ESRRB: variants seen among roughly 807,000 people sequenced by gnomAD.
ESRRB encodes the protein estrogen related receptor beta, also known as steroid hormone receptor ERR2.
Under a neutral mutation model 46.0 loss-of-function variants are expected in ESRRB, and 16 were observed. That is an observed-to-expected ratio of 0.35 (90% CI 0.24 to 0.53). The LOEUF is 0.53. Among genes scored for constraint, ESRRB ranks in the 20% least tolerant of loss-of-function variants. The pLI is 0.93. For synonymous variants in ESRRB, 246 were observed against 259.6 expected, an observed-to-expected ratio of 0.95 and a Z score of 0.50; for missense variants, 488 against 607.4, an observed-to-expected ratio of 0.80 and a Z score of 2.07.
At chr14:76,497,461 G>T (rs570449918) in intron 6 of ESRRB, among the ~76,000 whole-genome samples, 537 of 152,264 alleles carry the variant, frequency 3.5e-3, no homozygotes, top group African/African-American at 0.012. Flanking sequence ...GTCAGCAGGT[G>T]CCTCCCTGCC....
chr14:76,419,542 A>G (rs748980013), intron 1 of ESRRB, among the ~76,000 whole-genome samples: 9 of 152,136 alleles, frequency 5.9e-5, no homozygotes, highest in Non-Finnish European at 1.2e-4. Context: ...GTTCCTTCTC[A>G]GTTTCATTGC....
intron 1 of ESRRB, among the ~76,000 whole-genome samples, chr14:76,413,769 T>C (rs1416492940): frequency 6.6e-6 from 1 of 151,932 alleles, no homozygotes; most frequent in Non-Finnish European, 1.5e-5. Context: ...TAACAACTTC[T>C]CATGTGCAGC....
chr14:76,466,652 A>C (rs1889122744), intron 3 of ESRRB, among the ~76,000 whole-genome samples: 1 of 152,040 alleles, frequency 6.6e-6, no homozygotes, highest in Admixed American at 6.5e-5. Context: ...CTGAACACAA[A>C]ATCTGGGTTA....
intron 1 of ESRRB, among the ~76,000 whole-genome samples, chr14:76,400,806 G>A (rs942237277): frequency 6.6e-6 from 1 of 152,206 alleles, no homozygotes; most frequent in African/African-American, 2.4e-5. Flanking sequence ...TCCTATGGGT[G>A]GGGCTCCATT....
intron 1 of ESRRB, among the ~76,000 whole-genome samples, chr14:76,383,635 G>A (rs912755140): frequency 1.3e-5 from 2 of 152,034 alleles, no homozygotes; most frequent in African/African-American, 4.8e-5. Context: ...GTCCCTCCTT[G>A]ACTGTTTTGG....
chr14:76,445,339 C>T (rs143513450), intron 2 of ESRRB, among the ~76,000 whole-genome samples: 1,570 of 151,414 alleles, frequency 0.01, 15 homozygotes, highest in Non-Finnish European at 0.015. Context: ...GGTGTGGTGG[C>T]GCATGCCTGT....
rs144017574 is a variant in ESRRB at position 76,492,407 on chromosome 14, T to G, written c.1120+691T>G. Reference sequence around the variant, plus strand: ...GTCCCAAACTCCTGGGCTCAAGCAATCCTCTCACCTCAGCCTCCCAAAGTG... The same window carrying G: ...GTCCCAAACTCCTGGGCTCAAGCAAGCCTCTCACCTCAGCCTCCCAAAGTG... On this transcript the variant is annotated intron_variant, in intron 6 of 6. Coordinates refer to ENST00000644823, the MANE Select transcript of ESRRB (RefSeq NM_001379180.1). Among the ~76,000 whole-genome samples the G allele has an allele frequency of 1.1e-4, 16 of 152,294 alleles. No individual in the cohort carries two copies. In the East Asian group the frequency reaches 2.5e-3, roughly 24 times the overall value.
At chr14:76,406,855 A>G (rs1474328901) in intron 1 of ESRRB, among the ~76,000 whole-genome samples, 1 of 152,216 alleles carries the variant, frequency 6.6e-6, no homozygotes, top group Non-Finnish European at 1.5e-5. Flanking sequence ...AAATAAACAG[A>G]CTAATTGGGT....
At chr14:76,438,267 C>T (rs1272935586) in intron 1 of ESRRB, among the ~76,000 whole-genome samples, 2 of 152,128 alleles carry the variant, frequency 1.3e-5, no homozygotes, top group Non-Finnish European at 2.9e-5. Context: ...AACCTGTTGC[C>T]TCTGGTTCCG....
chr14:76,322,345 A>G (rs1465123688), intron 1 of ESRRB, among the ~76,000 whole-genome samples: 1 of 152,154 alleles, frequency 6.6e-6, no homozygotes, highest in Non-Finnish European at 1.5e-5. Context: ...GGAGCCGGGA[A>G]CCATGTTGGA....
At chr14:76,426,419 A>C (rs1887204696) in intron 1 of ESRRB, among the ~76,000 whole-genome samples, 1 of 152,242 alleles carries the variant, frequency 6.6e-6, no homozygotes, top group Non-Finnish European at 1.5e-5. Context: ...CCTGGTGTCT[A>C]GCAAGAAAAT....
intron 1 of ESRRB, among the ~76,000 whole-genome samples, chr14:76,396,188 A>G (rs1316999150): frequency 6.7e-6 from 1 of 148,264 alleles, no homozygotes; most frequent in Non-Finnish European, 1.5e-5. Flanking sequence ...AAACAAAAAC[A>G]AAAACAAAAA....
chr14:76,406,463 C>T (rs1450060802), intron 1 of ESRRB, among the ~76,000 whole-genome samples: 1 of 152,098 alleles, frequency 6.6e-6, no homozygotes, highest in Non-Finnish European at 1.5e-5. Context: ...AACAGTGCCC[C>T]GGCTGGGTGC....
intron 2 of ESRRB, among the ~76,000 whole-genome samples, chr14:76,458,078 G>A (rs149909075): frequency 6.6e-6 from 1 of 152,306 alleles, no homozygotes; most frequent in Non-Finnish European, 1.5e-5. Context: ...TGTGCCCAAA[G>A]TGGAGTCTGC....
chr14:76,332,720 TATATATATTTATA>T (rs1465392560), intron 1 of ESRRB, among the ~76,000 whole-genome samples: 344 of 23,004 alleles, frequency 0.015, 5 homozygotes, highest in Non-Finnish European at 0.019. Context: ...ATTTATATAT[TATATATATTTATA>T]TATTATATAT....
rs556270354 is a variant in ESRRB, at chr14:76,406,619, C to T, written c.50+30168C>T. Among the ~76,000 whole-genome samples, 3 of 152,262 alleles carry T rather than the reference C, an allele frequency of 2.0e-5. No homozygotes were observed. The South Asian group carries it at 6.2e-4, about 32-fold the overall frequency. ...AACTAGCCAGGTATGATGGCAGGCA[C>T]CTGTAATCCCAGCTACTTGGGAGGC... On this transcript the variant is annotated intron_variant, in intron 1 of 6. Transcript: ENST00000644823.
chr14:76,448,911 G>T (rs1042992139), intron 2 of ESRRB, among the ~76,000 whole-genome samples: 1 of 150,702 alleles, frequency 6.6e-6, no homozygotes, highest in South Asian at 2.1e-4. Context: ...TTTTTGAAAA[G>T]TTGTTTTTCT....
chr14:76,478,750 G>A (rs1182017703), intron 3 of ESRRB, among the ~76,000 whole-genome samples: 4 of 152,076 alleles, frequency 2.6e-5, no homozygotes, highest in African/African-American at 9.7e-5. Flanking sequence ...GTGAACAGAG[G>A]AGGCTTCTAT....
intron 1 of ESRRB, among the ~76,000 whole-genome samples, chr14:76,332,636 ATATT>A (rs1884034584): frequency 6.2e-5 from 3 of 48,088 alleles, no homozygotes; most frequent in Non-Finnish European, 6.8e-5. Flanking sequence ...TATATTATAT[ATATT>A]TATATATTAT....
Sources: gnomAD v4.1 joint callset for allele counts (sites outside exome capture counted in the v4.1 genomes callset) on GRCh38, gnomAD v4.1.1 for gene constraint, MANE v1.5 for transcripts, NCBI Gene and HGNC (gene_info 2026-07-23, HGNC 2026-07-21) for gene names.